SIGLEC11: variants seen among roughly 807,000 people sequenced by gnomAD.
SIGLEC11 encodes the protein sialic acid binding Ig like lectin 11.
In SIGLEC11, 47 loss-of-function variants were observed where a neutral mutation model predicts 61.2. That is an observed-to-expected ratio of 0.77 (90% confidence interval 0.61 to 0.98). The LOEUF (loss-of-function observed/expected upper bound fraction) is 0.98, where lower values mean the gene tolerates loss of function less well. Among genes scored for constraint, SIGLEC11 ranks in the 50% least tolerant of loss-of-function variants. The probability of loss-of-function intolerance (pLI) is 0.00; values close to 1 mark genes in which losing one functional copy is unlikely to be tolerated. For synonymous variants in SIGLEC11, 278 were observed against 373.1 expected, an observed-to-expected ratio of 0.75 and a Z score of 2.94; for missense variants, 610 against 870.3, an observed-to-expected ratio of 0.70 and a Z score of 3.76.
At chr19:49,953,264 G>A (rs891221377) in intron 8 of SIGLEC11, among the ~76,000 whole-genome samples, 1 of 152,140 alleles carries the variant, frequency 6.6e-6, no homozygotes, top group African/African-American at 2.4e-5. Flanking sequence ...AACAGTGTAC[G>A]TCAGGAACCA....
intron 8 of SIGLEC11, among the ~76,000 whole-genome samples, chr19:49,957,856 TG>T (rs1340523871): frequency 3.9e-5 from 6 of 152,118 alleles, no homozygotes; most frequent in Admixed American, 6.5e-5. Context: ...CTGGGCGTGG[TG>T]GCGCATGCCT....
chr19:49,956,394 C>CA (rs773312542), intron 8 of SIGLEC11, among the ~76,000 whole-genome samples: 1 of 152,114 alleles, frequency 6.6e-6, no homozygotes, highest in African/African-American at 2.4e-5. Flanking sequence ...TTCTTTAAAT[C>CA]ACACCTACTA....
At chr19:49,952,811 G>T (rs1055966581) in intron 8 of SIGLEC11, among the ~76,000 whole-genome samples, 3 of 151,898 alleles carry the variant, frequency 2.0e-5, no homozygotes, top group African/African-American at 7.3e-5. Context: ...TTTTGATACA[G>T]CTACAAGGCC....
At chr19:49,953,026 C>T (rs77177986) in intron 8 of SIGLEC11, among the ~76,000 whole-genome samples, 1 of 152,194 alleles carries the variant, frequency 6.6e-6, no homozygotes, top group East Asian at 1.9e-4. Flanking sequence ...TCGGTCTCAC[C>T]AGTCCTCAGT....
Position 49,951,937 on chromosome 19 carries a change from G to A in SIGLEC11, c.1784C>T (p.Ala595Val). 6.2e-7 allele frequency: 1 copy of A among 1,611,014 alleles called. No homozygotes were observed. Among genetic ancestry groups the A allele is most frequent in the Non-Finnish European group, 8.5e-7 (1 of 1,179,010 alleles). ...GGAGGGCACGTCCTGCTCAGCTGCTGCCCTCTTGCGAGCTTCCTTCCTGCA... is the reference window on the plus strand; with the variant it reads ...GGAGGGCACGTCCTGCTCAGCTGCTACCCTCTTGCGAGCTTCCTTCCTGCA... ...KICRKEARKR[A>V]AAEQDVPSTL... Residue 595 changes from alanine (A) to valine (V), a missense_variant, in exon 10 of 11, where the codon GCA becomes GTA. Ala to Val is a moderately conservative substitution (Grantham distance 64, BLOSUM62 0). Transcript: ENST00000447370. The surrounding 1 kb of genome is among the most constrained non-coding windows in gnomAD (Gnocchi z 4.6).
Position 49,951,944 on chromosome 19 carries a change from T to C in SIGLEC11, c.1777A>G (p.Lys593Glu), listed in dbSNP as rs1410358949. The stretch of plus-strand genomic sequence containing the variant: ...ACGTCCTGCTCAGCTGCTGCCCTCT[T>C]GCGAGCTTCCTTCCTGCAGATCTTC... ...RVKICRKEAR[K>E]RAAAEQDVPS... The change falls in exon 10 of 11, where the codon AAG becomes GAG. Residue 593 changes from lysine (K) to glutamate (E), a missense_variant. Physicochemically the swap from Lys to Glu is moderately conservative, Grantham distance 56. Coordinates refer to ENST00000447370, the MANE Select transcript of SIGLEC11 (RefSeq NM_052884.3). The surrounding 1 kb of genome is among the most constrained non-coding windows in gnomAD (Gnocchi z 4.6). 6.2e-7 allele frequency: 1 copy of C among 1,611,100 alleles called. No individual in the cohort carries two copies.
intron 8 of SIGLEC11, among the ~76,000 whole-genome samples, chr19:49,953,212 C>G (rs1378055858): frequency 6.6e-6 from 1 of 152,178 alleles, no homozygotes; most frequent in Non-Finnish European, 1.5e-5. Flanking sequence ...CCCTACCCAG[C>G]AGCACAACAA....
chr19:49,957,166 C>T (rs1340243845), intron 8 of SIGLEC11, among the ~76,000 whole-genome samples: 1 of 152,138 alleles, frequency 6.6e-6, no homozygotes, highest in African/African-American at 2.4e-5. Flanking sequence ...ACTATAAAGG[C>T]AATAGCAGCT....
At position 49,955,283 on chromosome 19, in the gene SIGLEC11, G is replaced by A. The variant is rs2076187676; in HGVS notation, c.1652-2889C>T. ...CAGCCTGGCTCTATCTGGAAAAAGA[G>A]CGGGGCGGGGACTGGCCCCAGAAAA... On this transcript the variant is annotated intron_variant, in intron 8 of 10. Coordinates refer to ENST00000447370, the MANE Select transcript of SIGLEC11 (RefSeq NM_052884.3). The surrounding 1 kb of genome is among the most constrained non-coding windows in gnomAD (Gnocchi z 4.5). Among the ~76,000 whole-genome samples, 1 of 150,848 alleles carries A rather than the reference G, an allele frequency of 6.6e-6. No homozygotes were observed. The highest frequency in any genetic ancestry group is 2.4e-5 in the African/African-American group (1 of 40,960).
At position 49,955,328 on chromosome 19, in the gene SIGLEC11, A is replaced by G. The variant is rs1188592882; in HGVS notation, c.1652-2934T>C. Among the ~76,000 whole-genome samples, 1 of 152,060 alleles carries G rather than the reference A, an allele frequency of 6.6e-6. No individual in the cohort carries two copies. The highest frequency in any genetic ancestry group is 1.5e-5 in the Non-Finnish European group (1 of 67,968). ...AGAAAAAAAGCCAAAAAAAAAAAAA[A>G]AAAGAAAGGCATAATTCTTACAACT... On this transcript the variant is annotated intron_variant, in intron 8 of 10. Transcript: ENST00000447370. The surrounding 1 kb of genome is among the most constrained non-coding windows in gnomAD (Gnocchi z 4.5).
rs146872192 is a variant in SIGLEC11 at position 49,951,946 on chromosome 19, C to T, written c.1775G>A (p.Arg592His). ...GTCCTGCTCAGCTGCTGCCCTCTTG[C>T]GAGCTTCCTTCCTGCAGATCTTCAC... ...FRVKICRKEARKRAAAEQDVP... is the reference protein window; with the variant it reads ...FRVKICRKEAHKRAAAEQDVP... The change falls in exon 10 of 11, where the codon CGC becomes CAC. Residue 592 changes from arginine (R) to histidine (H), a missense_variant. Physicochemically the swap from Arg to His is conservative, Grantham distance 29. Around this residue, in one of 6 missense-constraint regions of SIGLEC11, gnomAD observed 432 missense variants for 441.5 expected, o/e 0.98. Coordinates refer to ENST00000447370, the MANE Select transcript of SIGLEC11 (RefSeq NM_052884.3). The surrounding 1 kb of genome is among the most constrained non-coding windows in gnomAD (Gnocchi z 4.6). 2.7e-5 allele frequency: 44 copies of T among 1,610,790 alleles called. No homozygotes were observed. Among genetic ancestry groups the T allele is most frequent in the South Asian group, 1.3e-4 (12 of 90,664 alleles).
At position 49,958,269 on chromosome 19, in the gene SIGLEC11, C is replaced by T. The variant is rs747311620; in HGVS notation, c.1651+14G>A. ...CCTTTCTCCCTGAACCTCAGCCCCC[C>T]ACAGTCCCCTCACCTGGTAGCAGCT... On this transcript the variant is annotated intron_variant, in intron 8 of 10. Transcript: ENST00000447370. 4 of 1,612,662 alleles carry T rather than the reference C, an allele frequency of 2.5e-6. No individual in the cohort carries two copies. The highest frequency in any genetic ancestry group is 1.1e-5 in the South Asian group (1 of 90,902).
chr19:49,958,981 C>A, intron 6 of SIGLEC11, 49 bp downstream of exon 6: 1 of 1,613,212 alleles, frequency 6.2e-7, no homozygotes, highest in Non-Finnish European at 8.5e-7. Context: ...GACTCCTGGG[C>A]CCCCAGTTTG....
At chr19:49,950,304 C>T in intron 10 of SIGLEC11, 68 bp from the exon 11 acceptor site, 3 of 1,374,828 alleles carry the variant, frequency 2.2e-6, no homozygotes, top group East Asian at 2.6e-5. Context: ...GGAGGATGCA[C>T]AAGAGGATCT....
In SIGLEC11 at chr19:49,959,032, G is replaced by A. The variant is rs749324992; in HGVS notation, c.1103C>T (p.Thr368Ile). The A allele has an allele frequency of 6.2e-7, 1 of 1,613,836 alleles. No homozygotes were observed. Residue 368 changes from threonine (T) to isoleucine (I), a missense_variant and splice_region_variant, in exon 6 of 11, where the codon ACA (threonine) becomes ATA (isoleucine). Physicochemically the swap from Thr to Ile is moderately conservative, Grantham distance 89. Coordinates refer to ENST00000447370, the MANE Select transcript of SIGLEC11 (RefSeq NM_052884.3). ...LRVMVSQANR[T>I]VLENLGNGTS... ...GGCTCCTCTGTCTCCTTTCCTACCT[G>A]TCCTGTTTGCTTGGGAAACCATCAC...
chr19:49,956,884 A>G (rs1026735011), intron 8 of SIGLEC11, among the ~76,000 whole-genome samples: 1 of 106,294 alleles, frequency 9.4e-6, no homozygotes, highest in Non-Finnish European at 1.8e-5. Flanking sequence ...CCTAGCCCAG[A>G]AAAAAAAAAA....
At chr19:49,957,950 C>T (rs10423405) in intron 8 of SIGLEC11, among the ~76,000 whole-genome samples, 1,758 of 152,046 alleles carry the variant, frequency 0.012, 30 homozygotes, top group African/African-American at 0.039. Context: ...GAGATCGAGC[C>T]ACTGCACTCC....
At chr19:49,952,597 G>A (rs1701994575) in intron 8 of SIGLEC11, among the ~76,000 whole-genome samples, 1 of 152,182 alleles carries the variant, frequency 6.6e-6, no homozygotes, top group Admixed American at 6.5e-5. Flanking sequence ...GCTTAGCAAG[G>A]CTCACTTCAA....
chr19:49,957,723 C>T (rs771444213), intron 8 of SIGLEC11, among the ~76,000 whole-genome samples: 3 of 152,170 alleles, frequency 2.0e-5, no homozygotes, highest in Non-Finnish European at 2.9e-5. Context: ...CTGCTTTAGC[C>T]GGGCGCGGTG....
Sources: allele counts gnomAD v4.1 joint callset (sites outside exome capture counted in the v4.1 genomes callset), GRCh38; gene constraint gnomAD v4.1.1; regional missense constraint gnomAD v4.1.1; non-coding constraint Gnocchi (gnomAD v3.1); transcripts MANE v1.5; gene names NCBI Gene and HGNC (gene_info 2026-07-23, HGNC 2026-07-21).